MBD5: variants seen among roughly 807,000 people sequenced by gnomAD.
The protein encoded by MBD5 is methyl-CpG-binding domain protein 5.
Under a neutral mutation model 117.3 loss-of-function variants are expected in MBD5, and 13 were observed. The observed-to-expected ratio is 0.11, with a 90% confidence interval of 0.07 to 0.18. The LOEUF (loss-of-function observed/expected upper bound fraction) is 0.18, where lower values mean the gene tolerates loss of function less well. Among genes scored for constraint, MBD5 ranks in the 10% least tolerant of loss-of-function variants. MBD5 has a pLI of 1.00. For missense variants in MBD5, 1,879 were observed against 2,093.8 expected, an observed-to-expected ratio of 0.90 and a Z score of 2.00; for synonymous variants, 727 against 766.4, an observed-to-expected ratio of 0.95 and a Z score of 0.85.
intron 1 of MBD5, among the ~76,000 whole-genome samples, chr2:148,110,174 G>C (rs536213750): frequency 5.3e-5 from 8 of 152,236 alleles, no homozygotes; most frequent in Non-Finnish European, 1.2e-4. Context: ...AATTCTATGA[G>C]TTAGATATTA....
intron 4 of MBD5, among the ~76,000 whole-genome samples, chr2:148,392,932 C>T (rs1290674862): frequency 1.3e-5 from 2 of 152,064 alleles, no homozygotes; most frequent in East Asian, 3.9e-4. Flanking sequence ...ATTTTCATTT[C>T]TTTATTTAAT....
chr2:148,282,793 C>T (rs867034253), intron 3 of MBD5, among the ~76,000 whole-genome samples: 1 of 151,506 alleles, frequency 6.6e-6, no homozygotes, highest in South Asian at 2.1e-4. Context: ...TATTAAACCT[C>T]CCCCACACTG....
chr2:148,085,885 A>G (rs1276886587), intron 1 of MBD5, among the ~76,000 whole-genome samples: 1 of 152,182 alleles, frequency 6.6e-6, no homozygotes, highest in Non-Finnish European at 1.5e-5. Context: ...CTGGAGGGGA[A>G]AATCTACTGT....
intron 2 of MBD5, among the ~76,000 whole-genome samples, chr2:148,179,775 A>G (rs1207725196): frequency 6.6e-6 from 1 of 152,208 alleles, no homozygotes; most frequent in Admixed American, 6.5e-5. Context: ...GTTCCTTGCC[A>G]AATGGGGACA....
intron 12 of MBD5, among the ~76,000 whole-genome samples, chr2:148,509,335 C>T (rs755230557): frequency 6.6e-6 from 1 of 152,156 alleles, no homozygotes; most frequent in Non-Finnish European, 1.5e-5. Context: ...CTTCATAGAT[C>T]TAAGCTTCAA....
intron 11 of MBD5, 94 bp from the exon 12 acceptor site, chr2:148,502,342 A>C: frequency 1.9e-6 from 2 of 1,072,820 alleles, no homozygotes; most frequent in Non-Finnish European, 2.9e-6. Context: ...CCTCCCCGCC[A>C]GTGCAGCACC....
intron 4 of MBD5, among the ~76,000 whole-genome samples, chr2:148,413,762 A>T (rs1705338084): frequency 6.6e-6 from 1 of 151,474 alleles, no homozygotes. Flanking sequence ...GTGCATAGAG[A>T]TATTCATAGT....
At chr2:148,130,265 A>G (rs1399560266) in intron 1 of MBD5, among the ~76,000 whole-genome samples, 1 of 152,120 alleles carries the variant, frequency 6.6e-6, no homozygotes, top group Non-Finnish European at 1.5e-5. Context: ...ACAGCGCTCA[A>G]TTTTTCTTAC....
chr2:148,490,358 A>C lies in MBD5; in HGVS notation c.4726A>C (p.Lys1576Gln). Reference protein sequence around the residue: ...YIHYNGDFNAKSVNGCVPSPS... With the variant: ...YIHYNGDFNAQSVNGCVPSPS... ...CCATTACAATGGAGACTTTAATGCC[A>C]AAAGCGTTAATGGGTGTGTGCCTAG... The change falls in exon 11 of 14, where the codon AAA becomes CAA. Residue 1576 changes from lysine to glutamine, a missense_variant. Coordinates refer to ENST00000642680, the MANE Select transcript of MBD5 (RefSeq NM_001378120.1). 1 of 1,614,226 alleles carries C rather than the reference A, an allele frequency of 6.2e-7. No homozygotes were observed.
intron 4 of MBD5, among the ~76,000 whole-genome samples, chr2:148,445,888 A>G (rs1706492386): frequency 6.6e-6 from 1 of 151,384 alleles, no homozygotes; most frequent in African/African-American, 2.5e-5. Context: ...ATGGCCGGTG[A>G]TGATGAGCAT....
chr2:148,467,159 C>G lies in MBD5; in HGVS notation c.398-1182C>G, dbSNP rs570372417. ...GAGTTCAGCTTCCTTTCCAACACAG[C>G]TTTCTAAGCAGCTACCACCAATTGG... On this transcript the variant is annotated intron_variant, in intron 7 of 13. Coordinates refer to ENST00000642680, the MANE Select transcript of MBD5 (RefSeq NM_001378120.1). Among the ~76,000 whole-genome samples, 3 of 152,210 alleles carry G rather than the reference C, an allele frequency of 2.0e-5. No individual in the cohort carries two copies. The East Asian group carries it at 5.8e-4, about 29-fold the overall frequency.
chr2:148,150,477 G>A (rs1056399315), intron 1 of MBD5, among the ~76,000 whole-genome samples: 9 of 152,164 alleles, frequency 5.9e-5, no homozygotes, highest in African/African-American at 2.2e-4. Context: ...ATTCTGTGAA[G>A]AAAGTCATTG....
chr2:148,050,233 G>T (rs1694657544), intron 1 of MBD5, among the ~76,000 whole-genome samples: 1 of 152,036 alleles, frequency 6.6e-6, no homozygotes. Context: ...ATCAAGTGAG[G>T]TTGAAATTTT....
chr2:148,493,876 G>T (rs1303257799), intron 11 of MBD5, among the ~76,000 whole-genome samples: 1 of 152,186 alleles, frequency 6.6e-6, no homozygotes, highest in African/African-American at 2.4e-5. Context: ...AGCATAAAGA[G>T]GCATGGGTTT....
At chr2:148,342,117 T>C (rs942933104) in intron 3 of MBD5, 97 bp from the exon 4 acceptor site, 19 of 152,088 alleles carry the variant, frequency 1.2e-4, no homozygotes, top group African/African-American at 4.1e-4. Context: ...CAAAGACTTA[T>C]TGATGTTTGG....
Position 148,490,178 on chromosome 2 carries a change from A to G in MBD5, c.4546A>G (p.Thr1516Ala). The G allele has an allele frequency of 6.2e-7, 1 of 1,614,138 alleles. No homozygotes were observed. Among genetic ancestry groups the G allele is most frequent in the South Asian group, 1.1e-5 (1 of 91,072 alleles). ...MMSFKERLENTVERCAHINGN... is the reference protein window; with the variant it reads ...MMSFKERLENAVERCAHINGN... ...GAGTTTTAAGGAGAGACTAGAGAAC[A>G]CTGTGGAAAGATGTGCACACATAAA... Residue 1516 changes from threonine to alanine, a missense_variant, in exon 11 of 14, where the codon ACT becomes GCT. Coordinates refer to ENST00000642680, the MANE Select transcript of MBD5 (RefSeq NM_001378120.1).
At chr2:148,318,406 G>A (rs1033220426) in intron 3 of MBD5, among the ~76,000 whole-genome samples, 2 of 151,610 alleles carry the variant, frequency 1.3e-5, no homozygotes, top group Non-Finnish European at 2.9e-5. Flanking sequence ...CCATTCTATA[G>A]ATTGTCTGTT....
rs147272790 is a variant in MBD5 at position 148,470,445 on chromosome 2, A to C, written c.2502A>C (p.Gln834His). ...IPNSIVSSYN[Q>H]TSSEAGGSGP... ...ACAGCATTGTTAGCAGCTATAATCA[A>C]ACAAGTTCTGAAGCAGGTATGGTTT... is the stretch of plus-strand genomic sequence containing the variant. The change falls in exon 8 of 14, where the codon CAA becomes CAC. Residue 834 changes from glutamine (Q) to histidine (H), a missense_variant. By Grantham distance (24) the Gln-to-His change is conservative. Around this residue, in one of 4 missense-constraint regions of MBD5, gnomAD observed 1,666 missense variants for 1,792.2 expected, o/e 0.93. Transcript: ENST00000642680. 59 of 1,602,230 alleles carry C rather than the reference A, an allele frequency of 3.7e-5. No homozygotes were observed. The African/African-American group carries it at 7.1e-4, about 19-fold the overall frequency.
chr2:148,035,447 A>AC (rs1694169630), intron 1 of MBD5, among the ~76,000 whole-genome samples: 1 of 152,078 alleles, frequency 6.6e-6, no homozygotes, highest in Non-Finnish European at 1.5e-5. Context: ...TTTTCTGAGG[A>AC]CTGATATACT....
Sources: allele counts gnomAD v4.1 joint callset (sites outside exome capture counted in the v4.1 genomes callset), GRCh38; gene constraint gnomAD v4.1.1; regional missense constraint gnomAD v4.1.1; transcripts MANE v1.5; gene names NCBI Gene and HGNC (gene_info 2026-07-23, HGNC 2026-07-21).